PIGN: variants seen among roughly 807,000 people sequenced by gnomAD.
PIGN encodes the protein GPI ethanolamine phosphate transferase 1.
A neutral mutation model predicts 125.4 loss-of-function variants in PIGN; 117 were observed. The observed-to-expected ratio is 0.93, with a 90% CI of 0.80 to 1.09. PIGN has a LOEUF of 1.09. PIGN is among the 50% of genes least tolerant of loss of function. The pLI is 0.00. For synonymous variants in PIGN, 392 were observed against 377.8 expected, an observed-to-expected ratio of 1.04 and a Z score of -0.44; for missense variants, 1,075 against 1,094.9, an observed-to-expected ratio of 0.98 and a Z score of 0.26.
chr18:62,097,526 G>A (rs1254092745), intron 22 of PIGN, among the ~76,000 whole-genome samples: 3 of 151,072 alleles, frequency 2.0e-5, no homozygotes, highest in Non-Finnish European at 2.9e-5. Context: ...CGATTCCTCA[G>A]GGATCTAGAA....
In PIGN at chr18:62,139,441, C is replaced by A. The variant is rs532211453; in HGVS notation, c.1024-366G>T. ...TTCAGACATATCAGAGTGTACTGTA[C>A]ATAATAAGAGTAAGGACTATTCTGT... On this transcript the variant is annotated intron_variant, in intron 12 of 30. Transcript: ENST00000640252. Among the ~76,000 whole-genome samples the A allele has an allele frequency of 1.3e-3, 196 of 152,264 alleles. 9 individuals are homozygous for A. In the South Asian group the frequency reaches 0.038, roughly 30 times the overall value.
At chr18:62,050,242 C>A (rs1478628816) in intron 30 of PIGN, among the ~76,000 whole-genome samples, 12 of 152,200 alleles carry the variant, frequency 7.9e-5, no homozygotes, top group Non-Finnish European at 1.2e-4. Flanking sequence ...TGAAGAAAGG[C>A]ATTGGTAGCT....
chr18:62,024,454 G>A (rs2030091125), intron 23 of PIGN, among the ~76,000 whole-genome samples: 1 of 152,076 alleles, frequency 6.6e-6, no homozygotes, highest in African/African-American at 2.4e-5. Flanking sequence ...TGGCTGCTCT[G>A]GGATATCTGA....
intron 16 of PIGN, 28 bp from the exon 17 acceptor site, chr18:62,110,001 A>T: frequency 6.2e-7 from 1 of 1,610,228 alleles, no homozygotes; most frequent in Non-Finnish European, 8.5e-7. Context: ...ACATTGAAAC[A>T]CTTCCAAACC....
At chr18:62,143,407 G>T (rs754512550) in intron 10 of PIGN, 61 bp from the exon 11 acceptor site, 9 of 1,063,290 alleles carry the variant, frequency 8.5e-6, no homozygotes, top group Non-Finnish European at 1.3e-5. Context: ...TAAATCATTT[G>T]ATTTTTAGGA....
At chr18:62,103,257 A>C (rs2034514516) in intron 20 of PIGN, among the ~76,000 whole-genome samples, 1 of 152,228 alleles carries the variant, frequency 6.6e-6, no homozygotes, top group African/African-American at 2.4e-5. Flanking sequence ...AAAATTTACA[A>C]TATAAAAGAT....
At position 62,106,856 on chromosome 18, in the gene PIGN, A is replaced by AT. The variant is rs1357119322; in HGVS notation, c.1699dup (p.Met567AsnfsTer78). On this transcript the variant is annotated frameshift_variant, in exon 19 of 31. Transcript: ENST00000640252. LOFTEE classifies it high-confidence loss of function. ...AAAGGCAGTAAGTCCAGCGGTAAGC[A>AT]TATAGCGGTAGAAAAAACTGAGAAC... The AT allele has an allele frequency of 1.2e-6, 2 of 1,609,026 alleles. No homozygotes were observed.
At chr18:62,159,843 G>A (rs961316724) in intron 4 of PIGN, among the ~76,000 whole-genome samples, 6 of 152,286 alleles carry the variant, frequency 3.9e-5, no homozygotes, top group African/African-American at 9.6e-5. Flanking sequence ...GGCCAGGCAC[G>A]GTGGCTCACG....
intron 20 of PIGN, 104 bp downstream of exon 20, chr18:62,105,439 A>C: frequency 2.9e-6 from 2 of 690,864 alleles, no homozygotes; most frequent in Non-Finnish European, 5.1e-6. Context: ...CCGTTAGTTC[A>C]CATGATTTTA....
In PIGN at chr18:62,042,798, C is replaced by CA. The variant is rs1276306572; in HGVS notation, c.*3057dup. On this transcript the variant is annotated 3_prime_UTR_variant, in exon 31 of 31. Coordinates refer to ENST00000640252, the MANE Select transcript of PIGN (RefSeq NM_176787.5). ...GTGTGGGGGCATGTGCCTGTAGTCT[C>CA]AGCTACTCAGGAGGCTGAGGTGGCA... The CA allele has an allele frequency of 6.6e-6, 1 of 151,926 alleles. No homozygotes were observed. Among genetic ancestry groups the CA allele is most frequent in the African/African-American group, 2.4e-5 (1 of 41,306 alleles). The allele number at this position is 151,926 out of a possible 1,614,324, so 9.4% of individuals were successfully genotyped here.
At chr18:62,121,097 A>G (rs971660603) in intron 14 of PIGN, among the ~76,000 whole-genome samples, 2 of 152,228 alleles carry the variant, frequency 1.3e-5, no homozygotes, top group Non-Finnish European at 2.9e-5. Flanking sequence ...GTCTTAAGAT[A>G]GGGTGAGGGC....
intron 14 of PIGN, among the ~76,000 whole-genome samples, chr18:62,119,128 C>T (rs1050875213): frequency 6.6e-6 from 1 of 152,058 alleles, no homozygotes; most frequent in Non-Finnish European, 1.5e-5. Flanking sequence ...GGCTTAAAAT[C>T]GCAGCACGGC....
intron 23 of PIGN, among the ~76,000 whole-genome samples, chr18:62,031,694 T>C (rs1466561435): frequency 6.6e-6 from 1 of 152,240 alleles, no homozygotes; most frequent in African/African-American, 2.4e-5. Context: ...AATGATTTCT[T>C]TGGGACCATT....
downstream of PIGN, among the ~76,000 whole-genome samples, chr18:62,039,816 C>T (rs1417542473): frequency 4.9e-5 from 3 of 61,188 alleles, no homozygotes; most frequent in African/African-American, 1.9e-4. Context: ...GCCCCATCGA[C>T]GATGCCGCAC....
chr18:62,051,809 G>A (rs2145152985), intron 30 of PIGN: 1 of 152,166 alleles, frequency 6.6e-6, no homozygotes, highest in South Asian at 2.1e-4. Context: ...GTCAATTTTG[G>A]ATCTTTCCTG....
At chr18:62,142,037 T>C (rs902112990) in intron 11 of PIGN, among the ~76,000 whole-genome samples, 1 of 152,212 alleles carries the variant, frequency 6.6e-6, no homozygotes, top group African/African-American at 2.4e-5. Context: ...GTCTATCATA[T>C]ACATCCACTC....
intron 16 of PIGN, 140 bp downstream of exon 16, chr18:62,112,994 T>C (rs769226969): frequency 1.6e-6 from 1 of 615,246 alleles, no homozygotes; most frequent in Admixed American, 3.3e-5. Flanking sequence ...TGAGGAAAAA[T>C]CCAATACAAT....
chr18:62,174,333 A>T (rs1304791485), intron 1 of PIGN: 1 of 152,158 alleles, frequency 6.6e-6, no homozygotes, highest in African/African-American at 2.4e-5. Context: ...ATACCAAATT[A>T]TATGATCTTT....
At chr18:62,094,351 C>A (rs1198242690) in intron 23 of PIGN, among the ~76,000 whole-genome samples, 1 of 152,040 alleles carries the variant, frequency 6.6e-6, no homozygotes, top group Non-Finnish European at 1.5e-5. Flanking sequence ...AAGAGAAAGG[C>A]CTATTAAGAG....
Sources: gnomAD v4.1 joint callset for allele counts (sites outside exome capture counted in the v4.1 genomes callset) on GRCh38, gnomAD v4.1.1 for gene constraint, MANE v1.5 for transcripts, NCBI Gene and HGNC (gene_info 2026-07-23, HGNC 2026-07-21) for gene names.